Variants in EFR3A observed in about 807,000 individuals in gnomAD.
EFR3A encodes EFR3 homolog A.
EFR3A carries 76 observed loss-of-function variants against 104.4 expected under a neutral mutation model. That is an observed-to-expected ratio of 0.73 (90% CI 0.60 to 0.88). EFR3A has a LOEUF of 0.88. Ranked by LOEUF, EFR3A falls within the 40% of genes least tolerant of loss-of-function variation. The pLI, the probability that EFR3A is intolerant of heterozygous loss-of-function variation, is 0.00. For synonymous variants in EFR3A, 330 were observed against 330.0 expected (o/e 1.00, Z 0.00); for missense variants, 985 against 1,012.5 (o/e 0.97, Z 0.37).
intron 18 of EFR3A, among the ~76,000 whole-genome samples, chr8:131,988,959 G>A (rs1430217935): frequency 3.3e-5 from 5 of 151,870 alleles, no homozygotes. Flanking sequence ...AATTTTTAAT[G>A]AAAGCTCTGG....
intron 19 of EFR3A, 32 bp downstream of exon 19, chr8:131,996,529 G>A: frequency 7.1e-7 from 1 of 1,408,010 alleles, no homozygotes; most frequent in Non-Finnish European, 9.6e-7. Flanking sequence ...GTAGAGTACT[G>A]TCTTGGTAGA....
At chr8:131,925,917 T>C (rs1817273735) in intron 1 of EFR3A, among the ~76,000 whole-genome samples, 1 of 152,158 alleles carries the variant, frequency 6.6e-6, no homozygotes, top group Non-Finnish European at 1.5e-5. Flanking sequence ...GCCAGGCTAA[T>C]GTTGGTATTC....
At chr8:131,912,535 A>G (rs1330205659) in intron 1 of EFR3A, among the ~76,000 whole-genome samples, 1 of 152,166 alleles carries the variant, frequency 6.6e-6, no homozygotes, top group African/African-American at 2.4e-5. Flanking sequence ...AGAAAGCAAT[A>G]TAGCAATATG....
At chr8:132,003,154 T>A in intron 21 of EFR3A, 82 bp from the exon 22 acceptor site, 1 of 1,125,450 alleles carries the variant, frequency 8.9e-7, no homozygotes, top group South Asian at 1.4e-5. Flanking sequence ...CAATTATACT[T>A]TGTCTCTTAA....
Position 131,976,007 on chromosome 8 carries a change from T to C in EFR3A, c.1160-20T>C. On this transcript the variant is annotated intron_variant, in intron 10 of 22. Coordinates refer to ENST00000254624, the MANE Select transcript of EFR3A (RefSeq NM_015137.6). The stretch of plus-strand genomic sequence containing the variant: ...AGTAGACTTTTTCAGTTTCTAAAAT[T>C]TGTCTTAATACTTTCATAGGATTTT... The C allele has an allele frequency of 6.9e-7, 1 of 1,448,984 alleles. No individual in the cohort carries two copies. Among genetic ancestry groups the C allele is most frequent in the Non-Finnish European group, 9.5e-7 (1 of 1,055,502 alleles). 89.8% of individuals were successfully genotyped at this position (1,448,984 alleles called of 1,614,324 possible).
chr8:131,924,148 T>C, intron 1 of EFR3A: 1 of 436,808 alleles, frequency 2.3e-6, no homozygotes, highest in Non-Finnish European at 4.6e-6. Flanking sequence ...AATGTAGAGA[T>C]CATTTATTAC....
intron 14 of EFR3A, among the ~76,000 whole-genome samples, chr8:131,982,522 G>C (rs904866710): frequency 2.6e-5 from 4 of 151,916 alleles, no homozygotes; most frequent in Non-Finnish European, 5.9e-5. Flanking sequence ...TGAGTAATAG[G>C]TTATGTATTC....
chr8:131,956,442 T>C (rs1818996936), intron 7 of EFR3A, among the ~76,000 whole-genome samples: 1 of 152,208 alleles, frequency 6.6e-6, no homozygotes, highest in Admixed American at 6.5e-5. Flanking sequence ...GCTTTGAGTT[T>C]CTCCACATAG....
intron 18 of EFR3A, among the ~76,000 whole-genome samples, chr8:131,987,972 G>A (rs1186363151): frequency 6.6e-6 from 1 of 151,924 alleles, no homozygotes; most frequent in Non-Finnish European, 1.5e-5. Flanking sequence ...TTATTTAATA[G>A]TATATTTTAA....
chr8:131,908,744 T>A (rs1362838249), intron 1 of EFR3A, among the ~76,000 whole-genome samples: 1 of 152,198 alleles, frequency 6.6e-6, no homozygotes, highest in Non-Finnish European at 1.5e-5. Flanking sequence ...TTGAACAGGA[T>A]CCCATCAGTT....
chr8:131,944,057 CAT>C (rs1255086807), intron 2 of EFR3A, among the ~76,000 whole-genome samples: 1 of 152,076 alleles, frequency 6.6e-6, no homozygotes, highest in Non-Finnish European at 1.5e-5. Context: ...CACTGTCTAA[CAT>C]AGTTTCCCTT....
At chr8:131,996,129 G>A (rs1821469911) in intron 18 of EFR3A, among the ~76,000 whole-genome samples, 2 of 152,060 alleles carry the variant, frequency 1.3e-5, no homozygotes, top group South Asian at 2.1e-4. Context: ...AAACTATTTG[G>A]TAGTGGTTGT....
intron 1 of EFR3A, among the ~76,000 whole-genome samples, chr8:131,922,283 A>T (rs1817074452): frequency 6.6e-6 from 1 of 152,172 alleles, no homozygotes; most frequent in African/African-American, 2.4e-5. Context: ...ATTTCGAAAT[A>T]AAGTCACAAT....
rs967036078 is a variant in EFR3A, at chr8:131,904,146, T to C, written c.-167T>C. The C allele has an allele frequency of 1.1e-4, 87 of 763,800 alleles. No individual in the cohort carries two copies. Among genetic ancestry groups the C allele is most frequent in the Non-Finnish European group, 1.5e-4 (83 of 563,910 alleles). 47.3% of individuals were successfully genotyped at this position (763,800 alleles called of 1,614,324 possible). A position where few individuals can be genotyped will look rare whatever the true frequency, so the allele number is the denominator to read the frequency against. On this transcript the variant is annotated 5_prime_UTR_variant, in exon 1 of 23. Coordinates refer to ENST00000254624, the MANE Select transcript of EFR3A (RefSeq NM_015137.6). ...GCTGGCGGCGGTAGCTGTCGCCCGC[T>C]TGGTTGCGTGACCGCGGGGTCCGCG...
chr8:131,904,194 C>T lies in EFR3A; in HGVS notation c.-119C>T, dbSNP rs552873673. 11 of 1,159,680 alleles carry T rather than the reference C, an allele frequency of 9.5e-6. No individual in the cohort carries two copies. The highest frequency in any genetic ancestry group is 8.6e-5 in the Admixed American group (2 of 23,360). The allele number at this position is 1,159,680 out of a possible 1,614,324, so 71.8% of individuals were successfully genotyped here. On this transcript the variant is annotated 5_prime_UTR_variant, in exon 1 of 23. Transcript: ENST00000254624. Reference sequence around the variant, plus strand: ...GCGTCCGCTCCCTCCACCCTTCGCCCTTCGCCCTTCGCCTCGTTCCGGCCT... The same window carrying T: ...GCGTCCGCTCCCTCCACCCTTCGCCTTTCGCCCTTCGCCTCGTTCCGGCCT...
chr8:131,904,958 G>T (rs982487559), intron 1 of EFR3A, among the ~76,000 whole-genome samples: 1 of 152,184 alleles, frequency 6.6e-6, no homozygotes, highest in African/African-American at 2.4e-5. Context: ...TTGGGCCCCG[G>T]AGTCTGCATG....
chr8:131,904,934 A>C (rs1816170653), intron 1 of EFR3A, among the ~76,000 whole-genome samples: 1 of 152,170 alleles, frequency 6.6e-6, no homozygotes, highest in South Asian at 2.1e-4. Context: ...ATTCCCATGG[A>C]ATTAGTCTGG....
At chr8:131,914,917 C>G (rs1236287669) in intron 1 of EFR3A, among the ~76,000 whole-genome samples, 2 of 152,146 alleles carry the variant, frequency 1.3e-5, no homozygotes, top group Admixed American at 6.5e-5. Flanking sequence ...GTTTGGTTTT[C>G]TGTTCCTGTG....
intron 1 of EFR3A, among the ~76,000 whole-genome samples, chr8:131,936,414 T>C (rs893985564): frequency 3.3e-5 from 5 of 152,088 alleles, no homozygotes; most frequent in African/African-American, 1.2e-4. Context: ...TTCTTAGCAA[T>C]ATTTACATGG....
Sources: gnomAD v4.1 joint callset for allele counts (sites outside exome capture counted in the v4.1 genomes callset) on GRCh38, gnomAD v4.1.1 for gene constraint, MANE v1.5 for transcripts, NCBI Gene and HGNC (gene_info 2026-07-23, HGNC 2026-07-21) for gene names.